LRRTM4: variants seen among roughly 807,000 people sequenced by gnomAD.
The protein encoded by LRRTM4 is leucine-rich repeat transmembrane neuronal protein 4.
In LRRTM4, 25 loss-of-function variants were observed where a neutral mutation model predicts 47.6. The observed-to-expected ratio is 0.53, with a 90% CI of 0.38 to 0.73. LRRTM4 has a LOEUF of 0.73. LRRTM4 is among the 30% of genes least tolerant of loss of function. The pLI is 0.00. For synonymous variants in LRRTM4, 311 were observed against 269.5 expected (o/e 1.15, Z -1.51); for missense variants, 638 against 713.4 (o/e 0.89, Z 1.20).
chr2:76,843,765 C>T (rs995319255), intron 3 of LRRTM4, among the ~76,000 whole-genome samples: 2 of 152,046 alleles, frequency 1.3e-5, no homozygotes, highest in African/African-American at 4.8e-5. Context: ...TGAGTCCAGG[C>T]AGTAAGGAAG....
chr2:76,831,805 GCTT>G (rs1363596388), intron 3 of LRRTM4, among the ~76,000 whole-genome samples: 2 of 151,888 alleles, frequency 1.3e-5, no homozygotes, highest in Non-Finnish European at 2.9e-5. Flanking sequence ...TGAGAATTTA[GCTT>G]TTTTTAAAAA....
chr2:77,249,258 G>C (rs1261412010), intron 3 of LRRTM4, among the ~76,000 whole-genome samples: 1 of 151,974 alleles, frequency 6.6e-6, no homozygotes, highest in Non-Finnish European at 1.5e-5. Context: ...GCTAAGGCAG[G>C]AGAATTGCTT....
intron 3 of LRRTM4, among the ~76,000 whole-genome samples, chr2:77,143,766 G>T (rs1480491646): frequency 1.3e-5 from 2 of 152,040 alleles, no homozygotes; most frequent in African/African-American, 4.8e-5. Context: ...AAATAAATGG[G>T]CAAAATCACT....
At chr2:77,350,348 A>G (rs1671720143) in intron 3 of LRRTM4, among the ~76,000 whole-genome samples, 1 of 148,822 alleles carries the variant, frequency 6.7e-6, no homozygotes, top group Non-Finnish European at 1.5e-5. Context: ...AAAAAAAAAA[A>G]AAAAAAAAAA....
rs190250111 is a variant in LRRTM4, at chr2:77,461,175, T to G, written c.1551+57143A>C. 2.1e-5 allele frequency among the ~76,000 whole-genome samples: 3 copies of G among 141,492 alleles called. No homozygotes were observed. The East Asian group carries it at 6.6e-4, about 31-fold the overall frequency. 92.8% of individuals were successfully genotyped at this position (141,492 alleles called of 152,430 possible). A position where few individuals can be genotyped will look rare whatever the true frequency, so the allele number is the denominator to read the frequency against. On this transcript the variant is annotated intron_variant, in intron 3 of 3. Coordinates refer to ENST00000409884, the MANE Select transcript of LRRTM4 (RefSeq NM_001134745.3). ...AGAGAGAGAGAGAGAGAGAGTTCTA[T>G]CTGCTGACCTTGAAGTCTTTTCCTC... is the stretch of plus-strand genomic sequence containing the variant.
At chr2:77,129,772 C>A (rs536634273) in intron 3 of LRRTM4, among the ~76,000 whole-genome samples, 1 of 152,212 alleles carries the variant, frequency 6.6e-6, no homozygotes, top group Admixed American at 6.5e-5. Flanking sequence ...TTAAATTCTC[C>A]TTAAGACAAT....
At chr2:77,070,697 C>T (rs541934080) in intron 3 of LRRTM4, among the ~76,000 whole-genome samples, 1 of 152,116 alleles carries the variant, frequency 6.6e-6, no homozygotes, top group African/African-American at 2.4e-5. Flanking sequence ...ATGGCATGCT[C>T]TCCGCTCACT....
At chr2:76,845,329 A>G (rs1212263263) in intron 3 of LRRTM4, among the ~76,000 whole-genome samples, 4 of 151,958 alleles carry the variant, frequency 2.6e-5, no homozygotes, top group African/African-American at 7.2e-5. Flanking sequence ...CGTCTCTACT[A>G]AAAAATACAA....
At chr2:77,000,381 G>T (rs1022984269) in intron 3 of LRRTM4, among the ~76,000 whole-genome samples, 1 of 152,114 alleles carries the variant, frequency 6.6e-6, no homozygotes, top group Admixed American at 6.6e-5. Flanking sequence ...AATTCAAAGG[G>T]TTACAATAAA....
chr2:76,901,178 A>G (rs1425612309), intron 3 of LRRTM4, among the ~76,000 whole-genome samples: 1 of 152,010 alleles, frequency 6.6e-6, no homozygotes, highest in Non-Finnish European at 1.5e-5. Flanking sequence ...TGCATTAGGT[A>G]TGTTTGCTAA....
At chr2:77,118,342 G>A (rs34520809) in intron 3 of LRRTM4, among the ~76,000 whole-genome samples, 31,266 of 151,728 alleles carry the variant, frequency 0.21, 3,636 homozygotes, top group Middle Eastern at 0.27. Context: ...ACTCAGAAAA[G>A]TATCTACTTT....
At chr2:77,113,784 G>GA (rs1186921718) in intron 3 of LRRTM4, among the ~76,000 whole-genome samples, 3 of 152,050 alleles carry the variant, frequency 2.0e-5, no homozygotes, top group Non-Finnish European at 4.4e-5. Context: ...GGCTGCAGAG[G>GA]AGGGGGAAGG....
intron 3 of LRRTM4, among the ~76,000 whole-genome samples, chr2:76,799,026 G>A (rs1165047580): frequency 1.3e-5 from 2 of 150,120 alleles, no homozygotes; most frequent in African/African-American, 2.5e-5. Context: ...AGAGGTATAA[G>A]GAGGAGCTGG....
chr2:77,056,803 A>G (rs1312260291), intron 3 of LRRTM4, among the ~76,000 whole-genome samples: 1 of 152,154 alleles, frequency 6.6e-6, no homozygotes, highest in Non-Finnish European at 1.5e-5. Flanking sequence ...TGGTGGGAAA[A>G]TTCTGCTTAT....
intron 3 of LRRTM4, among the ~76,000 whole-genome samples, chr2:77,220,167 A>G (rs1674577772): frequency 6.6e-6 from 1 of 152,178 alleles, no homozygotes; most frequent in Non-Finnish European, 1.5e-5. Context: ...AAGGAAAACT[A>G]ACAAACAGAA....
chr2:77,502,128 T>A (rs777182003), intron 3 of LRRTM4, among the ~76,000 whole-genome samples: 66 of 151,626 alleles, frequency 4.4e-4, no homozygotes, highest in Admixed American at 7.9e-4. Context: ...ATTCACTAAC[T>A]AAAAATATGT....
chr2:77,379,134 T>C (rs1268921552), intron 3 of LRRTM4, among the ~76,000 whole-genome samples: 3 of 152,170 alleles, frequency 2.0e-5, no homozygotes, highest in Non-Finnish European at 4.4e-5. Context: ...TAATATGTAT[T>C]TCTTTCAAGA....
intron 3 of LRRTM4, among the ~76,000 whole-genome samples, chr2:76,915,850 A>G (rs1409900483): frequency 2.6e-5 from 4 of 152,176 alleles, no homozygotes; most frequent in Non-Finnish European, 5.9e-5. Flanking sequence ...AATATTCAAT[A>G]TCATTCTACT....
At chr2:77,093,604 C>T (rs891619604) in intron 3 of LRRTM4, among the ~76,000 whole-genome samples, 4 of 151,806 alleles carry the variant, frequency 2.6e-5, no homozygotes, top group African/African-American at 7.3e-5. Flanking sequence ...CAAAAATTTT[C>T]GCTGCCCCAA....
Sources: gnomAD v4.1 joint callset for allele counts (sites outside exome capture counted in the v4.1 genomes callset) on GRCh38, gnomAD v4.1.1 for gene constraint, MANE v1.5 for transcripts, NCBI Gene and HGNC (gene_info 2026-07-23, HGNC 2026-07-21) for gene names.